ASAP1: variants seen among roughly 807,000 people sequenced by gnomAD.
The protein encoded by ASAP1 is ArfGAP with SH3 domain, ankyrin repeat and PH domain 1, also known as arf-GAP with SH3 domain, ANK repeat and PH domain-containing protein 1.
In ASAP1, 43 loss-of-function variants were observed where a neutral mutation model predicts 145.2. The ratio of observed to expected loss-of-function variants is 0.30; its 90% CI spans 0.23 to 0.38. ASAP1 has a LOEUF of 0.38. Ranked by LOEUF, ASAP1 falls within the 10% of genes least tolerant of loss-of-function variation. ASAP1 has a pLI of 1.00. For synonymous variants in ASAP1, 546 were observed against 515.5 expected (o/e 1.06, Z -0.80); for missense variants, 1,018 against 1,355.3 (o/e 0.75, Z 3.91).
At chr8:130,062,405 C>G (rs867870758) in intron 27 of ASAP1, among the ~76,000 whole-genome samples, 13 of 152,214 alleles carry the variant, frequency 8.5e-5, no homozygotes, top group African/African-American at 2.7e-4. Flanking sequence ...AAGTCAAAAT[C>G]AAGGGGCACC....
At chr8:130,206,245 C>A (rs1019827404) in intron 5 of ASAP1, among the ~76,000 whole-genome samples, 5 of 152,012 alleles carry the variant, frequency 3.3e-5, no homozygotes, top group African/African-American at 1.2e-4. Flanking sequence ...TGATTGATGA[C>A]CATTTTTTTA....
chr8:130,099,404 T>C (rs2097524724), intron 24 of ASAP1, among the ~76,000 whole-genome samples: 1 of 151,888 alleles, frequency 6.6e-6, no homozygotes, highest in Non-Finnish European at 1.5e-5. Context: ...ATGGTCTCGA[T>C]CTCCTGACCT....
At chr8:130,248,383 G>A (rs933259779) in intron 3 of ASAP1, among the ~76,000 whole-genome samples, 1 of 152,134 alleles carries the variant, frequency 6.6e-6, no homozygotes, top group Non-Finnish European at 1.5e-5. Context: ...GAACAACCAC[G>A]TGCATGCCAA....
chr8:130,352,647 G>A (rs149036533), intron 3 of ASAP1, among the ~76,000 whole-genome samples: 18 of 152,342 alleles, frequency 1.2e-4, no homozygotes, highest in African/African-American at 4.3e-4. Flanking sequence ...CTTACTGGCT[G>A]TACGACCTAG....
chr8:130,098,790 C>T (rs192684879), intron 24 of ASAP1, among the ~76,000 whole-genome samples: 46 of 152,222 alleles, frequency 3.0e-4, no homozygotes, highest in African/African-American at 1.1e-3. Context: ...GTGTTGTGAA[C>T]ATTCAAAATC....
intron 3 of ASAP1, among the ~76,000 whole-genome samples, chr8:130,256,947 C>G (rs1009065463): frequency 2.6e-5 from 4 of 151,358 alleles, no homozygotes; most frequent in Admixed American, 2.0e-4. Flanking sequence ...CCAATCCCAA[C>G]ATTTAAAAAA....
intron 3 of ASAP1, among the ~76,000 whole-genome samples, chr8:130,267,119 C>CAAAAAAAA (rs1565153626): frequency 2.4e-5 from 3 of 127,386 alleles, no homozygotes; most frequent in Non-Finnish European, 5.3e-5. Context: ...AACAAACAAA[C>CAAAAAAAA]AAACAAAAAA....
intron 2 of ASAP1, among the ~76,000 whole-genome samples, chr8:130,381,735 C>T (rs1436530630): frequency 1.3e-5 from 2 of 152,194 alleles, no homozygotes; most frequent in Non-Finnish European, 2.9e-5. Flanking sequence ...CCTCACTTTC[C>T]AAACCTTTGT....
intron 18 of ASAP1, among the ~76,000 whole-genome samples, chr8:130,119,658 C>G (rs1251250057): frequency 6.6e-6 from 1 of 152,162 alleles, no homozygotes; most frequent in Admixed American, 6.5e-5. Context: ...CTGGATCCAG[C>G]TGTACCTGAA....
intron 2 of ASAP1, among the ~76,000 whole-genome samples, chr8:130,396,280 G>A (rs1179485683): frequency 6.6e-6 from 1 of 152,226 alleles, no homozygotes; most frequent in Non-Finnish European, 1.5e-5. Flanking sequence ...ATAAGCTCAA[G>A]AAGGCTTTGC....
chr8:130,382,745 T>A (rs1168974283), intron 2 of ASAP1, among the ~76,000 whole-genome samples: 1 of 152,078 alleles, frequency 6.6e-6, no homozygotes, highest in Non-Finnish European at 1.5e-5. Flanking sequence ...CTCAGGAGGC[T>A]GAGGCAGGAG....
At chr8:130,064,641 G>A (rs553381259) in intron 27 of ASAP1, among the ~76,000 whole-genome samples, 1 of 152,068 alleles carries the variant, frequency 6.6e-6, no homozygotes, top group Non-Finnish European at 1.5e-5. Flanking sequence ...CCAAGCAGCG[G>A]ATACCAGCCA....
chr8:130,245,925 C>T (rs1349315539), intron 3 of ASAP1, among the ~76,000 whole-genome samples: 1 of 152,124 alleles, frequency 6.6e-6, no homozygotes, highest in African/African-American at 2.4e-5. Context: ...TAAAAATATT[C>T]ACTATCTAAT....
At chr8:130,406,308 A>G (rs1346592964) in intron 1 of ASAP1, among the ~76,000 whole-genome samples, 1 of 152,176 alleles carries the variant, frequency 6.6e-6, no homozygotes, top group East Asian at 1.9e-4. Context: ...CACATCCAGT[A>G]CTGGGCACTG....
At chr8:130,189,110 C>T (rs979523709) in intron 5 of ASAP1, among the ~76,000 whole-genome samples, 3 of 151,960 alleles carry the variant, frequency 2.0e-5, no homozygotes, top group African/African-American at 7.3e-5. Context: ...GTATAATGAT[C>T]GAATCAGGGA....
chr8:130,284,886 TGAGAGAGA>T (rs112517433), intron 3 of ASAP1, among the ~76,000 whole-genome samples: 144 of 124,450 alleles, frequency 1.2e-3, no homozygotes, highest in South Asian at 2.2e-3. Flanking sequence ...CACACCATAC[TGAGAGAGA>T]GAGAGAAAGA....
chr8:130,399,007 C>T (rs952547879), intron 2 of ASAP1, among the ~76,000 whole-genome samples: 5 of 152,170 alleles, frequency 3.3e-5, no homozygotes, highest in South Asian at 2.1e-4. Flanking sequence ...CCTTCTTTGC[C>T]GCAAAATGTA....
chr8:130,201,434 C>G (rs1042164501), intron 5 of ASAP1, among the ~76,000 whole-genome samples: 2 of 152,118 alleles, frequency 1.3e-5, no homozygotes, highest in Non-Finnish European at 1.5e-5. Flanking sequence ...TCTAAGAGTA[C>G]CAGGGAATAT....
intron 2 of ASAP1, among the ~76,000 whole-genome samples, 189 bp downstream of exon 2, chr8:130,401,696 A>G (rs1828803065): frequency 6.6e-6 from 1 of 152,206 alleles, no homozygotes; most frequent in Non-Finnish European, 1.5e-5. Flanking sequence ...AATGTGACAG[A>G]AAACATAGTA....
Sources: allele counts gnomAD v4.1 joint callset (sites outside exome capture counted in the v4.1 genomes callset), GRCh38; gene constraint gnomAD v4.1.1; transcripts MANE v1.5; gene names NCBI Gene and HGNC (gene_info 2026-07-23, HGNC 2026-07-21).